CHRM3: variants seen among roughly 807,000 people sequenced by gnomAD.
CHRM3 encodes the protein cholinergic receptor muscarinic 3, also known as muscarinic acetylcholine receptor M3.
Under a neutral mutation model 41.8 loss-of-function variants are expected in CHRM3, and 11 were observed. The ratio of observed to expected loss-of-function variants is 0.26; its 90% CI spans 0.17 to 0.44. CHRM3 has a LOEUF of 0.44. Ranked by LOEUF, CHRM3 falls within the 20% of genes least tolerant of loss-of-function variation. CHRM3 has a pLI of 1.00. For synonymous variants in CHRM3, 297 were observed against 301.4 expected (o/e 0.99, Z 0.15); for missense variants, 571 against 745.4 (o/e 0.77, Z 2.72).
intron 1 of CHRM3, among the ~76,000 whole-genome samples, chr1:239,411,378 G>A (rs1429665398): frequency 6.6e-6 from 1 of 152,014 alleles, no homozygotes; most frequent in Non-Finnish European, 1.5e-5. Context: ...GCAAACATAA[G>A]TAAGTTAGAT....
At chr1:239,585,945 A>G (rs1663353530) in intron 3 of CHRM3, among the ~76,000 whole-genome samples, 1 of 152,246 alleles carries the variant, frequency 6.6e-6, no homozygotes, top group Admixed American at 6.5e-5. Flanking sequence ...TTTAGAGATG[A>G]GAATACTTTG....
intron 4 of CHRM3, among the ~76,000 whole-genome samples, chr1:239,663,149 G>A (rs1055651324): frequency 6.6e-6 from 1 of 151,982 alleles, no homozygotes; most frequent in African/African-American, 2.4e-5. Context: ...GGCTGAGGAG[G>A]TGCCTCTGTT....
At chr1:239,407,417 T>TATATATATATATATATATATATATAGAG in intron 1 of CHRM3, among the ~76,000 whole-genome samples, 21 of 134,210 alleles carry the variant, frequency 1.6e-4, no homozygotes, top group Non-Finnish European at 2.5e-4. Context: ...TATATATATA[T>TATATATATATATATATATATATATAGAG]AGAGAGAGAG....
chr1:239,661,060 G>A (rs562954339), intron 4 of CHRM3, among the ~76,000 whole-genome samples: 1 of 152,204 alleles, frequency 6.6e-6, no homozygotes, highest in South Asian at 2.1e-4. Context: ...AACATGCCCA[G>A]GTCTCCTGAT....
chr1:239,429,655 T>C (rs1662665419), intron 1 of CHRM3, among the ~76,000 whole-genome samples: 1 of 152,212 alleles, frequency 6.6e-6, no homozygotes, highest in Admixed American at 6.5e-5. Context: ...TCCCTTACAC[T>C]GATGACAATG....
chr1:239,452,752 A>C (rs1664643289), intron 1 of CHRM3, among the ~76,000 whole-genome samples: 2 of 152,278 alleles, frequency 1.3e-5, no homozygotes, highest in South Asian at 2.1e-4. Flanking sequence ...AAAAGATAAA[A>C]CATACTCTTT....
At chr1:239,684,685 AG>A (rs1011845247) in intron 5 of CHRM3, among the ~76,000 whole-genome samples, 2 of 148,464 alleles carry the variant, frequency 1.3e-5, no homozygotes, top group African/African-American at 2.5e-5. Flanking sequence ...AAAGGAAGGA[AG>A]GAAGGAGAGA....
chr1:239,538,649 A>G (rs968924557), intron 2 of CHRM3, among the ~76,000 whole-genome samples: 1 of 152,268 alleles, frequency 6.6e-6, no homozygotes, highest in African/African-American at 2.4e-5. Flanking sequence ...TCATTGGAAC[A>G]TCAGCATAGC....
intron 1 of CHRM3, among the ~76,000 whole-genome samples, chr1:239,395,691 G>A (rs572043984): frequency 6.6e-6 from 1 of 152,312 alleles, no homozygotes; most frequent in Admixed American, 6.5e-5. Context: ...TTCAGGTGAT[G>A]CAGATACTGC....
intron 1 of CHRM3, among the ~76,000 whole-genome samples, chr1:239,444,899 C>A (rs770693237): frequency 6.6e-6 from 1 of 151,956 alleles, no homozygotes; most frequent in African/African-American, 2.4e-5. Context: ...CCCATAGGGG[C>A]GGAGATAGTA....
At chr1:239,504,393 TA>T (rs1312188491) in intron 2 of CHRM3, among the ~76,000 whole-genome samples, 1 of 152,058 alleles carries the variant, frequency 6.6e-6, no homozygotes, top group Non-Finnish European at 1.5e-5. Context: ...AGAATGGCCA[TA>T]ATCAAAAAAT....
intron 1 of CHRM3, among the ~76,000 whole-genome samples, chr1:239,409,541 C>G (rs2103034723): frequency 1.3e-5 from 2 of 152,248 alleles, no homozygotes; most frequent in Middle Eastern, 6.8e-3. Flanking sequence ...TGAATAGAAT[C>G]AGAAAACAAT....
chr1:239,876,807 A>G (rs113248219), intron 6 of CHRM3, among the ~76,000 whole-genome samples: 16 of 152,168 alleles, frequency 1.1e-4, no homozygotes, highest in African/African-American at 3.9e-4. Flanking sequence ...TAGGCTGACA[A>G]TCAGTTCCCT....
rs61836596 is a variant in CHRM3 at position 239,637,117 on chromosome 1, G to A, written c.-250+4831G>A. On this transcript the variant is annotated intron_variant, in intron 4 of 6. Coordinates refer to ENST00000676153, the MANE Select transcript of CHRM3 (RefSeq NM_001375978.1). Reference sequence around the variant, plus strand: ...GTCTTTTCAAAGATTTTAATGAGAAGTATACATTTATATATACATTTATAT... The same window carrying A: ...GTCTTTTCAAAGATTTTAATGAGAAATATACATTTATATATACATTTATAT... Among the ~76,000 whole-genome samples the A allele has an allele frequency of 7.0e-3, 1,066 of 152,220 alleles. 8 individuals carry two copies. Among genetic ancestry groups the A allele is most frequent in the Non-Finnish European group, 0.01 (693 of 68,018 alleles).
At chr1:239,521,964 A>T (rs1013908654) in intron 2 of CHRM3, among the ~76,000 whole-genome samples, 1 of 152,242 alleles carries the variant, frequency 6.6e-6, no homozygotes, top group Non-Finnish European at 1.5e-5. Flanking sequence ...GGATGTTGGC[A>T]TTCAAGGGGC....
At chr1:239,571,480 A>G (rs939132263) in intron 3 of CHRM3, among the ~76,000 whole-genome samples, 1 of 152,196 alleles carries the variant, frequency 6.6e-6, no homozygotes, top group Non-Finnish European at 1.5e-5. Context: ...TGTTTAGTGT[A>G]GAGCAGTCTT....
At chr1:239,732,820 TTAGATAAGTATACCTAATATCTCAC>T (rs1664067600) in intron 5 of CHRM3, among the ~76,000 whole-genome samples, 1 of 140,434 alleles carries the variant, frequency 7.1e-6, no homozygotes, top group Non-Finnish European at 1.6e-5. Flanking sequence ...AATATCTCAC[TTAGATAAGTATACCTAATATCTCAC>T]TTAGATAAGT....
rs1392982690 is a variant in CHRM3, at chr1:239,748,128, C to T, written c.-147+69840C>T. Among the ~76,000 whole-genome samples the T allele has an allele frequency of 6.6e-6, 1 of 152,234 alleles. No individual in the cohort carries two copies. The highest frequency in any genetic ancestry group is 1.5e-5 in the Non-Finnish European group (1 of 68,048). Reference sequence around the variant, plus strand: ...ACAGACACCCTATAGATATCACTGTCTTCCAAAATTGTACTGGATTGCCAA... The same window carrying T: ...ACAGACACCCTATAGATATCACTGTTTTCCAAAATTGTACTGGATTGCCAA... On this transcript the variant is annotated intron_variant, in intron 5 of 6. Coordinates refer to ENST00000676153, the MANE Select transcript of CHRM3 (RefSeq NM_001375978.1). The surrounding 1 kb of genome is among the most constrained non-coding windows in gnomAD (Gnocchi z 4.3).
At chr1:239,899,053 G>A (rs747229260) in intron 6 of CHRM3, among the ~76,000 whole-genome samples, 5 of 151,898 alleles carry the variant, frequency 3.3e-5, no homozygotes, top group Admixed American at 6.6e-5. Flanking sequence ...AATATCCACT[G>A]CAGTGGCTTT....
Sources: gnomAD v4.1 joint callset for allele counts (sites outside exome capture counted in the v4.1 genomes callset) on GRCh38, gnomAD v4.1.1 for gene constraint, Gnocchi (gnomAD v3.1) non-coding constraint, MANE v1.5 for transcripts, NCBI Gene and HGNC (gene_info 2026-07-23, HGNC 2026-07-21) for gene names.